The following TRIO variants were observed in gnomAD, a reference collection of about 807,000 sequenced individuals.
The protein encoded by TRIO is triple functional domain protein.
A neutral mutation model predicts 351.9 loss-of-function variants in TRIO; 58 were observed. That is an observed-to-expected ratio of 0.16 (90% confidence interval 0.13 to 0.21). The LOEUF (loss-of-function observed/expected upper bound fraction) is 0.21, where lower values mean the gene tolerates loss of function less well. TRIO is among the 10% of genes least tolerant of loss of function. The pLI is 1.00. For synonymous variants in TRIO, 1,758 were observed against 1,595.7 expected (o/e 1.10, Z -2.42); for missense variants, 3,201 against 4,027.8 (o/e 0.79, Z 5.56).
chr5:14,225,825 A>G (rs908637247), intron 1 of TRIO, among the ~76,000 whole-genome samples: 3 of 124,348 alleles, frequency 2.4e-5, no homozygotes, highest in African/African-American at 8.7e-5. Context: ...CAAAAGGATG[A>G]TACAAGGGGC....
chr5:14,226,748 C>G (rs1297761319), intron 1 of TRIO, among the ~76,000 whole-genome samples: 4 of 152,184 alleles, frequency 2.6e-5, no homozygotes, highest in South Asian at 4.1e-4. Flanking sequence ...AACCCAGCAC[C>G]CTGAAAGGCT....
chr5:14,345,171 C>G (rs1358138226), intron 11 of TRIO, among the ~76,000 whole-genome samples: 1 of 152,002 alleles, frequency 6.6e-6, no homozygotes, highest in Non-Finnish European at 1.5e-5. Flanking sequence ...TTGTTAACAT[C>G]GGATCACTAT....
At chr5:14,380,421 G>A (rs758684129) in intron 20 of TRIO, among the ~76,000 whole-genome samples, 2 of 152,082 alleles carry the variant, frequency 1.3e-5, no homozygotes, top group Admixed American at 1.3e-4. Context: ...CCATCCTGTC[G>A]TATCCCATCC....
chr5:14,500,050 C>CA (rs35276206), intron 53 of TRIO, among the ~76,000 whole-genome samples: 22,850 of 90,356 alleles, frequency 0.25, 3,005 homozygotes, highest in Middle Eastern at 0.36. Context: ...GACTCTGTCT[C>CA]AAAAAAAAAA....
intron 8 of TRIO, among the ~76,000 whole-genome samples, chr5:14,308,968 C>T (rs1390115420): frequency 6.6e-6 from 1 of 151,982 alleles, no homozygotes; most frequent in Non-Finnish European, 1.5e-5. Flanking sequence ...TACACCCAGT[C>T]ACCCAACTGT....
At chr5:14,477,753 A>G (rs1755195413) in intron 41 of TRIO, among the ~76,000 whole-genome samples, 3 of 152,192 alleles carry the variant, frequency 2.0e-5, no homozygotes, top group Admixed American at 2.0e-4. Context: ...CTGTGACATC[A>G]GGCATCAGTC....
intron 8 of TRIO, among the ~76,000 whole-genome samples, chr5:14,308,784 A>ACCAACCAC (rs56249231): frequency 0.84 from 125,550 of 149,728 alleles, 53,167 homozygotes; most frequent in African/African-American, 0.95. Context: ...CATCTATCCA[A>ACCAACCAC]CCAACCACCC....
chr5:14,419,362 CT>C (rs1749920487), intron 33 of TRIO, among the ~76,000 whole-genome samples: 1 of 152,146 alleles, frequency 6.6e-6, no homozygotes, highest in Non-Finnish European at 1.5e-5. Context: ...TGCCTCTTTC[CT>C]GACCCAAGGG....
chr5:14,460,422 G>C (rs1579721354), intron 34 of TRIO, among the ~76,000 whole-genome samples: 1 of 152,084 alleles, frequency 6.6e-6, no homozygotes, highest in South Asian at 2.1e-4. Context: ...TGTCCTGGAT[G>C]CTGGTCTCCC....
At chr5:14,265,246 T>C (rs1795602912) in intron 1 of TRIO, among the ~76,000 whole-genome samples, 1 of 152,168 alleles carries the variant, frequency 6.6e-6, no homozygotes, top group African/African-American at 2.4e-5. Context: ...GCAGCCAGTT[T>C]AGAATCGCAT....
At chr5:14,340,116 T>G (rs1034938754) in intron 11 of TRIO, among the ~76,000 whole-genome samples, 1 of 152,166 alleles carries the variant, frequency 6.6e-6, no homozygotes, top group African/African-American at 2.4e-5. Flanking sequence ...TTGTCTTGGC[T>G]GGGCGTGGTG....
rs1291591868 is a variant in TRIO at position 14,260,825 on chromosome 5, A to G, written c.158-10000A>G. ...CTCTGAATACTGTATTTTAAATTCA[A>G]CATAATTACAGGTCACTCAGATTAA... On this transcript the variant is annotated intron_variant, in intron 1 of 56. Coordinates refer to ENST00000344204, the MANE Select transcript of TRIO (RefSeq NM_007118.4). Among the ~76,000 whole-genome samples the G allele has an allele frequency of 2.6e-5, 4 of 152,242 alleles. No individual in the cohort carries two copies. In the East Asian group the frequency reaches 7.7e-4, roughly 29 times the overall value.
At position 14,508,685 on chromosome 5, in the gene TRIO, T is replaced by A. The variant is rs1058303; in HGVS notation, c.*263T>A. Reference sequence around the variant, plus strand: ...TTTTATTCAGGTTTCTGCAAAAAAATAAAAAGATAACTTTTTTAAACAAAC... The same window carrying A: ...TTTTATTCAGGTTTCTGCAAAAAAAAAAAAAGATAACTTTTTTAAACAAAC... On this transcript the variant is annotated 3_prime_UTR_variant, in exon 57 of 57. Transcript: ENST00000344204. 1 of 384,216 alleles carries A rather than the reference T, an allele frequency of 2.6e-6. No homozygotes were observed. Among genetic ancestry groups the A allele is most frequent in the Admixed American group, 4.2e-5 (1 of 23,984 alleles). The allele number at this position is 384,216 out of a possible 1,614,324, so 23.8% of individuals were successfully genotyped here.
chr5:14,376,954 T>C (rs1261554963), intron 19 of TRIO, among the ~76,000 whole-genome samples: 1 of 152,234 alleles, frequency 6.6e-6, no homozygotes, highest in Non-Finnish European at 1.5e-5. Context: ...AATGTGTTCC[T>C]GTATATTTAG....
intron 34 of TRIO, among the ~76,000 whole-genome samples, chr5:14,433,355 G>A (rs543290489): frequency 9.2e-5 from 14 of 152,148 alleles, no homozygotes; most frequent in Non-Finnish European, 1.2e-4. Flanking sequence ...CAGGGGTTTC[G>A]TCATCCCTTT....
At chr5:14,427,459 C>A (rs754895859) in intron 34 of TRIO, among the ~76,000 whole-genome samples, 1 of 152,228 alleles carries the variant, frequency 6.6e-6, no homozygotes, top group South Asian at 2.1e-4. Flanking sequence ...GTGTTCCCAG[C>A]CAACCCCAGC....
In TRIO at chr5:14,498,454, G is replaced by A. The variant is rs1360323408; in HGVS notation, c.8211-65G>A. Reference sequence around the variant, plus strand: ...GCCTTCCCTTGATCCTGAAGGAGGAGGCCAGCGCTGATGGCCACGTGCTCA... The same window carrying A: ...GCCTTCCCTTGATCCTGAAGGAGGAAGCCAGCGCTGATGGCCACGTGCTCA... On this transcript the variant is annotated intron_variant, in intron 52 of 56. Transcript: ENST00000344204. The A allele has an allele frequency of 7.0e-6, 11 of 1,570,266 alleles. No homozygotes were observed. In the African/African-American group the frequency reaches 1.2e-4, roughly 17 times the overall value.
intron 10 of TRIO, among the ~76,000 whole-genome samples, chr5:14,332,977 C>T (rs1027594956): frequency 2.6e-5 from 4 of 152,194 alleles, no homozygotes; most frequent in Admixed American, 2.0e-4. Context: ...AAGCCAAATG[C>T]GCCTGCGACT....
intron 1 of TRIO, among the ~76,000 whole-genome samples, chr5:14,260,576 C>T (rs1295776265): frequency 1.3e-5 from 2 of 152,164 alleles, no homozygotes; most frequent in African/African-American, 2.4e-5. Context: ...TATTTTTGTA[C>T]TGAGTTTCAT....
Sources: gnomAD v4.1 joint callset for allele counts (sites outside exome capture counted in the v4.1 genomes callset) on GRCh38, gnomAD v4.1.1 for gene constraint, MANE v1.5 for transcripts, NCBI Gene and HGNC (gene_info 2026-07-23, HGNC 2026-07-21) for gene names.